Variants in RBFOX1 observed in about 807,000 individuals in gnomAD.
RBFOX1 encodes RNA binding fox-1 homolog 1, also known as RNA binding protein fox-1 homolog 1.
Under a neutral mutation model 57.7 loss-of-function variants are expected in RBFOX1, and 8 were observed. That is an observed-to-expected ratio of 0.14 (90% CI 0.08 to 0.25). The LOEUF is 0.25. Among genes scored for constraint, RBFOX1 ranks in the 10% least tolerant of loss-of-function variants. The probability of loss-of-function intolerance (pLI) is 1.00; values close to 1 mark genes in which losing one functional copy is unlikely to be tolerated. For missense variants in RBFOX1, 611 were observed against 548.5 expected, an observed-to-expected ratio of 1.11 and a Z score of -1.14; for synonymous variants, 326 against 222.4, an observed-to-expected ratio of 1.47 and a Z score of -4.15.
intron 3 of RBFOX1, among the ~76,000 whole-genome samples, chr16:6,796,414 G>A (rs573997384): frequency 3.3e-5 from 5 of 152,154 alleles, no homozygotes; most frequent in South Asian, 2.1e-4. Flanking sequence ...ACTTGAGCCC[G>A]ATTCCTTAAA....
At chr16:5,941,465 G>C (rs2059276277) in intron 4 of RBFOX1, among the ~76,000 whole-genome samples, 1 of 151,556 alleles carries the variant, frequency 6.6e-6, no homozygotes. Context: ...GCTCCAGCCT[G>C]GGTGACAAAG....
intron 13 of RBFOX1, among the ~76,000 whole-genome samples, chr16:7,669,456 A>T (rs2070647995): frequency 6.6e-6 from 1 of 152,230 alleles, no homozygotes; most frequent in Admixed American, 6.5e-5. Flanking sequence ...TGGTAAGAGC[A>T]GAGAGAAAGA....
At chr16:6,064,603 C>A (rs181835813) in intron 1 of RBFOX1, among the ~76,000 whole-genome samples, 2 of 151,840 alleles carry the variant, frequency 1.3e-5, no homozygotes, top group East Asian at 3.9e-4. Context: ...TGCAGTGGTG[C>A]GATCTCGGCT....
At chr16:6,511,867 A>G (rs1434837251) in intron 2 of RBFOX1, among the ~76,000 whole-genome samples, 2 of 152,142 alleles carry the variant, frequency 1.3e-5, no homozygotes, top group African/African-American at 4.8e-5. Flanking sequence ...TTGATTCAGT[A>G]GGAAACCAGT....
At chr16:6,280,969 A>C (rs199720492) in intron 1 of RBFOX1, among the ~76,000 whole-genome samples, 3 of 138,824 alleles carry the variant, frequency 2.2e-5, no homozygotes, top group Non-Finnish European at 4.6e-5. Context: ...GTGTGTGTGT[A>C]TGTGTGTGTA....
chr16:5,448,294 C>T (rs1385000058), intron 1 of RBFOX1, among the ~76,000 whole-genome samples: 1 of 152,120 alleles, frequency 6.6e-6, no homozygotes, highest in Non-Finnish European at 1.5e-5. Context: ...TAAACTGTTC[C>T]TCAAACTTAC....
chr16:7,434,411 G>A (rs923631865), intron 4 of RBFOX1, among the ~76,000 whole-genome samples: 5 of 152,196 alleles, frequency 3.3e-5, no homozygotes, highest in East Asian at 3.9e-4. Context: ...GGCGGAGCTT[G>A]CAGTGAGCCG....
At chr16:5,907,021 G>C (rs751714574) in intron 4 of RBFOX1, among the ~76,000 whole-genome samples, 159 of 152,230 alleles carry the variant, frequency 1.0e-3, no homozygotes, top group Non-Finnish European at 1.6e-3. Flanking sequence ...ACAGGCATGA[G>C]CCACTGTGCC....
At chr16:5,351,109 A>G (rs967304821) in intron 1 of RBFOX1, among the ~76,000 whole-genome samples, 1 of 152,212 alleles carries the variant, frequency 6.6e-6, no homozygotes, top group Non-Finnish European at 1.5e-5. Flanking sequence ...AGCCTTGTTA[A>G]GGATGTGTCT....
At chr16:6,767,935 TAATAATAATAATAAGAAGAAGAAG>T (rs1280637404) in intron 3 of RBFOX1, among the ~76,000 whole-genome samples, 280 of 93,220 alleles carry the variant, frequency 3.0e-3, no homozygotes, top group African/African-American at 0.015. Flanking sequence ...ATAATAATAA[TAATAATAATAATAAGAAGAAGAAG>T]AAGAAGAAGA....
At chr16:5,401,902 C>A (rs550639647) in intron 1 of RBFOX1, among the ~76,000 whole-genome samples, 2 of 151,982 alleles carry the variant, frequency 1.3e-5, no homozygotes, top group Admixed American at 6.6e-5. Context: ...TCTTTCTTTT[C>A]TCTATTTTTA....
At chr16:6,000,581 T>C (rs991932551) in intron 4 of RBFOX1, among the ~76,000 whole-genome samples, 3 of 152,110 alleles carry the variant, frequency 2.0e-5, no homozygotes, top group African/African-American at 7.2e-5. Context: ...CTAGCCAGCC[T>C]CTAGAACAGT....
intron 4 of RBFOX1, among the ~76,000 whole-genome samples, chr16:5,917,151 C>A (rs1253587104): frequency 6.6e-6 from 1 of 152,158 alleles, no homozygotes; most frequent in East Asian, 1.9e-4. Context: ...TAGACAACCG[C>A]TTCCTAAGCA....
chr16:5,301,575 C>T (rs921455126), intron 1 of RBFOX1, among the ~76,000 whole-genome samples: 9 of 146,812 alleles, frequency 6.1e-5, no homozygotes, highest in South Asian at 4.4e-4. Context: ...GCCAAGATTG[C>T]GCCACTGCAC....
At chr16:7,258,329 A>G (rs898920735) in intron 4 of RBFOX1, among the ~76,000 whole-genome samples, 14 of 152,170 alleles carry the variant, frequency 9.2e-5, no homozygotes, top group African/African-American at 3.4e-4. Flanking sequence ...AGTGAAAATG[A>G]TAAGAAATAT....
Position 5,756,563 on chromosome 16 carries a change from A to G in RBFOX1, c.319-110740A>G, listed in dbSNP as rs575065708. Among the ~76,000 whole-genome samples, 42 of 152,334 alleles carry G rather than the reference A, an allele frequency of 2.8e-4. No homozygotes were observed. In the South Asian group the frequency reaches 6.8e-3, roughly 25 times the overall value. On this transcript the variant is annotated intron_variant, in intron 3 of 19. Coordinates refer to the RBFOX1 transcript ENST00000641259. ...TAAAGATAAATTTGAGGAGTAATGA[A>G]TAAAGACCCATTCCTTCTGGAGCAA...
chr16:7,530,251 T>C (rs1007592222), intron 5 of RBFOX1, among the ~76,000 whole-genome samples: 4 of 152,070 alleles, frequency 2.6e-5, no homozygotes, highest in Admixed American at 1.3e-4. Flanking sequence ...TGTAAGGATG[T>C]CCTAAGAGAA....
At chr16:5,328,768 C>G (rs899190114) in intron 1 of RBFOX1, among the ~76,000 whole-genome samples, 2 of 152,200 alleles carry the variant, frequency 1.3e-5, no homozygotes, top group African/African-American at 4.8e-5. Context: ...CCATCCGATT[C>G]AAGCTCAGCC....
At chr16:7,279,705 A>T (rs371605943) in intron 4 of RBFOX1, among the ~76,000 whole-genome samples, 2 of 152,218 alleles carry the variant, frequency 1.3e-5, no homozygotes, top group Non-Finnish European at 2.9e-5. Context: ...ACCAGGCATA[A>T]TGGGCGACGT....
Sources: allele counts gnomAD v4.1 joint callset (sites outside exome capture counted in the v4.1 genomes callset), GRCh38; gene constraint gnomAD v4.1.1; transcripts MANE v1.5; gene names NCBI Gene and HGNC (gene_info 2026-07-23, HGNC 2026-07-21).